MYLK3: variants seen among roughly 807,000 people sequenced by gnomAD.
The protein encoded by MYLK3 is myosin light chain kinase 3, also known as MLC kinase.
Under a neutral mutation model 76.3 loss-of-function variants are expected in MYLK3, and 55 were observed. That is an observed-to-expected ratio of 0.72 (90% CI 0.58 to 0.90). The LOEUF (loss-of-function observed/expected upper bound fraction) is 0.90. Ranked by LOEUF, MYLK3 falls within the 40% of genes least tolerant of loss-of-function variation. The pLI, the probability that MYLK3 is intolerant of heterozygous loss-of-function variation, is 0.00. For missense variants in MYLK3, 973 were observed against 1,053.6 expected (o/e 0.92, Z 1.06); for synonymous variants, 416 against 425.4 (o/e 0.98, Z 0.27).
intron 8 of MYLK3, chr16:46,726,721 GAAAGAAAGAAAGA>G (rs1320339015): frequency 1.5e-5 from 2 of 131,830 alleles, no homozygotes; most frequent in African/African-American, 5.6e-5. Flanking sequence ...AAGAAAGAAA[GAAAGAAAGAAAGA>G]AAAGAAAGAG....
intron 1 of MYLK3, among the ~76,000 whole-genome samples, chr16:46,743,077 T>C (rs551138996): frequency 1.3e-5 from 2 of 152,336 alleles, no homozygotes; most frequent in African/African-American, 2.4e-5. Flanking sequence ...CTCAGCCTTC[T>C]AGTCCCTGCC....
Position 46,702,392 on chromosome 16 carries a change from A to T in MYLK3, c.*5312T>A, listed in dbSNP as rs868133762. Among the ~76,000 whole-genome samples the T allele has an allele frequency of 6.6e-6, 1 of 152,222 alleles. No individual in the cohort carries two copies. Among genetic ancestry groups the T allele is most frequent in the Non-Finnish European group, 1.5e-5 (1 of 68,042 alleles). On this transcript the variant is annotated 3_prime_UTR_variant, in exon 13 of 13. Transcript: ENST00000394809. ...GGACAGTATAATGAAACCCATACAC[A>T]TCACCTAGACCCAAGTTATTAGATG... is the stretch of plus-strand genomic sequence containing the variant.
At position 46,709,857 on chromosome 16, in the gene MYLK3, G is replaced by A. The variant is rs188313670; in HGVS notation, c.2268-186C>T. On this transcript the variant is annotated intron_variant, in intron 11 of 12. Transcript: ENST00000394809. The stretch of plus-strand genomic sequence containing the variant: ...CCTTCCTTCAAAGTGCCAGAAGGTC[G>A]TCAGCAAAATGTTCTCTGACCTCTA... Among the ~76,000 whole-genome samples, 16 of 152,244 alleles carry A rather than the reference G, an allele frequency of 1.1e-4. No homozygotes were observed. The East Asian group carries it at 1.9e-3, about 18-fold the overall frequency.
chr16:46,716,805 T>C (rs188139873), intron 9 of MYLK3, among the ~76,000 whole-genome samples: 101 of 152,312 alleles, frequency 6.6e-4, no homozygotes, highest in African/African-American at 2.3e-3. Flanking sequence ...CACCTTTCTA[T>C]GCCATTGTCA....
In MYLK3 at chr16:46,729,593, C is replaced by T. The variant is rs1966848432; in HGVS notation, c.1662+1G>A. ...GGACCTGGCCCAGCCAGATGCCTCA[C>T]CCGGTCCTTGGCGCTCTTCACTTTG... On this transcript the variant is annotated splice_donor_variant, in intron 6 of 12. Coordinates refer to ENST00000394809, the MANE Select transcript of MYLK3 (RefSeq NM_182493.3). LOFTEE classifies it high-confidence loss of function. 1.9e-6 allele frequency: 3 copies of T among 1,613,436 alleles called. No homozygotes were observed. The highest frequency in any genetic ancestry group is 2.2e-5 in the South Asian group (2 of 91,076).
chr16:46,747,931 G>C lies in MYLK3; in HGVS notation c.263C>G (p.Ala88Gly). The change falls in exon 1 of 13, where the codon GCT becomes GGT. Residue 88 changes from alanine (A) to glycine (G), a missense_variant. Around this residue, in one of 2 missense-constraint regions of MYLK3, gnomAD observed 641 missense variants for 637.0 expected, o/e 1.01. Transcript: ENST00000394809. ...CAGCTCCAGGACCTCGGGCCACCCA[G>C]CCTGGGTGTCAATGTGGGGAACCCC... is the stretch of plus-strand genomic sequence containing the variant. ...ADGVPHIDTQ[A>G]GWPEVLELVR... 6.2e-7 allele frequency: 1 copy of C among 1,613,560 alleles called. No homozygotes were observed. Among genetic ancestry groups the C allele is most frequent in the Non-Finnish European group, 8.5e-7 (1 of 1,179,862 alleles).
At chr16:46,727,200 CA>C in intron 8 of MYLK3, 35 bp downstream of exon 8, 1 of 1,603,152 alleles carries the variant, frequency 6.2e-7, no homozygotes, top group Non-Finnish European at 8.5e-7. Context: ...GCTAGGACAC[CA>C]GGGGCCCCTA....
rs1225788263 is a variant in MYLK3 at position 46,737,874 on chromosome 16, C to T, written c.838G>A (p.Val280Ile). ...GCTCCTTGTCCTGCACCTGGTGCAA[C>T]CTCCAGGCTCGGGGAGACCACATTG... is the stretch of plus-strand genomic sequence containing the variant. Reference protein sequence around the residue: ...RVNVVSPSLEVAPGAGQGASS... With the variant: ...RVNVVSPSLEIAPGAGQGASS... Residue 280 changes from valine to isoleucine, a missense_variant, in exon 3 of 13, where the codon GTT becomes ATT. By Grantham distance (29) the Val-to-Ile change is conservative. Coordinates refer to ENST00000394809, the MANE Select transcript of MYLK3 (RefSeq NM_182493.3). 27 of 1,614,036 alleles carry T rather than the reference C, an allele frequency of 1.7e-5. No individual in the cohort carries two copies. The highest frequency in any genetic ancestry group is 4.0e-5 in the African/African-American group (3 of 74,946).
chr16:46,760,270 C>A (rs575479666), intron 1 of MYLK3, among the ~76,000 whole-genome samples: 2 of 152,226 alleles, frequency 1.3e-5, no homozygotes, highest in Admixed American at 1.3e-4. Context: ...CTGGAAGTCC[C>A]TTCGACTCCT....
chr16:46,712,502 A>T, intron 10 of MYLK3, 146 bp downstream of exon 10: 1 of 602,568 alleles, frequency 1.7e-6, no homozygotes, highest in Non-Finnish European at 2.6e-6. Flanking sequence ...TTCCTTCCCC[A>T]TCTCACTACC....
chr16:46,756,465 T>TCAAC (rs1967202016), intron 1 of MYLK3, among the ~76,000 whole-genome samples: 1 of 152,180 alleles, frequency 6.6e-6, no homozygotes, highest in African/African-American at 2.4e-5. Context: ...AGAAACAGCT[T>TCAAC]CAACGTGTTT....
exon 1 of MYLK3, chr16:46,763,169 C>G: frequency 2.0e-6 from 2 of 985,348 alleles, no homozygotes; most frequent in South Asian, 4.7e-5. Context: ...AGTTAAGTGG[C>G]TTGTCAACAG....
In MYLK3 at chr16:46,721,122, C is replaced by T; in HGVS notation, c.1985+1G>A. The T allele has an allele frequency of 6.2e-7, 1 of 1,613,944 alleles. No homozygotes were observed. The highest frequency in any genetic ancestry group is 1.1e-5 in the South Asian group (1 of 91,076). On this transcript the variant is annotated splice_donor_variant, in intron 9 of 12. Transcript: ENST00000394809. LOFTEE classifies it high-confidence loss of function. Reference sequence around the variant, plus strand: ...AAGGTATCTAAATAAAACCCCCTTACCTTCTGGCCAGCCCAAAGTCAATGA... The same window carrying T: ...AAGGTATCTAAATAAAACCCCCTTATCTTCTGGCCAGCCCAAAGTCAATGA...
At chr16:46,756,388 G>A (rs1014534467) in intron 1 of MYLK3, among the ~76,000 whole-genome samples, 3 of 152,246 alleles carry the variant, frequency 2.0e-5, no homozygotes, top group Middle Eastern at 6.8e-3. Flanking sequence ...TATCTTACCG[G>A]CAACTCCATA....
chr16:46,758,304 A>ACT lies in MYLK3; in HGVS notation c.-114+4734_-114+4735dup, dbSNP rs3044832. Among the ~76,000 whole-genome samples the ACT allele has an allele frequency of 1.5e-3, 127 of 87,302 alleles. 1 individual carries two copies. The highest frequency in any genetic ancestry group is 5.9e-3 in the African/African-American group (125 of 21,350). The allele number at this position is 87,302 out of a possible 152,430, so 57.3% of individuals were successfully genotyped here. A position where few individuals can be genotyped will look rare whatever the true frequency, so the allele number is the denominator to read the frequency against. ...CACACACACACACACACACACACACACTCTCTCTCTCTCTCTCTCTCTCTC... is the reference window on the plus strand; with the variant it reads ...CACACACACACACACACACACACACACTCTCTCTCTCTCTCTCTCTCTCTCTC... On this transcript the variant is annotated intron_variant, in intron 1 of 11. Transcript: ENST00000536476.
intron 8 of MYLK3, among the ~76,000 whole-genome samples, chr16:46,723,335 C>T (rs1352736605): frequency 6.6e-6 from 1 of 152,110 alleles, no homozygotes; most frequent in Non-Finnish European, 1.5e-5. Context: ...CTTTTCATGG[C>T]TAAATAATAT....
At chr16:46,749,011 A>G (rs953796989), upstream of MYLK3, among the ~76,000 whole-genome samples, 1 of 152,212 alleles carries the variant, frequency 6.6e-6, no homozygotes, top group African/African-American at 2.4e-5. Flanking sequence ...TCCCCCAATA[A>G]CAACTATGCA....
chr16:46,745,090 C>T (rs1355444512), intron 1 of MYLK3, among the ~76,000 whole-genome samples: 1 of 151,970 alleles, frequency 6.6e-6, no homozygotes, highest in Non-Finnish European at 1.5e-5. Context: ...ATTCCCACAC[C>T]TTGATGGTAG....
At chr16:46,744,345 T>TTA (rs1469344938) in intron 1 of MYLK3, among the ~76,000 whole-genome samples, 1 of 140,126 alleles carries the variant, frequency 7.1e-6, no homozygotes, top group Non-Finnish European at 1.5e-5. Flanking sequence ...TTTTTTTTTT[T>TTA]TTTTTTTTTT....
Sources: gnomAD v4.1 joint callset for allele counts (sites outside exome capture counted in the v4.1 genomes callset) on GRCh38, gnomAD v4.1.1 for gene constraint, gnomAD v4.1.1 regional missense constraint, MANE v1.5 for transcripts, NCBI Gene and HGNC (gene_info 2026-07-23, HGNC 2026-07-21) for gene names.